EIF4G3: variants seen among roughly 807,000 people sequenced by gnomAD.
EIF4G3 encodes eukaryotic translation initiation factor 4 gamma 3.
A neutral mutation model predicts 186.4 loss-of-function variants in EIF4G3; 34 were observed. That is an observed-to-expected ratio of 0.18 (90% CI 0.14 to 0.24). The LOEUF (loss-of-function observed/expected upper bound fraction) is 0.24. Ranked by LOEUF, EIF4G3 falls within the 10% of genes least tolerant of loss-of-function variation. The pLI, the probability that EIF4G3 is intolerant of heterozygous loss-of-function variation, is 1.00. For missense variants in EIF4G3, 1,536 were observed against 1,948.5 expected, an observed-to-expected ratio of 0.79 and a Z score of 3.99; for synonymous variants, 673 against 679.5, an observed-to-expected ratio of 0.99 and a Z score of 0.15.
chr1:20,956,567 A>G (rs2154564088), intron 12 of EIF4G3, among the ~76,000 whole-genome samples: 1 of 132,844 alleles, frequency 7.5e-6, no homozygotes. Flanking sequence ...TTTAAAGGTG[A>G]GTCCTAGGCT....
At chr1:21,000,080 C>T (rs2083165336) in intron 6 of EIF4G3, among the ~76,000 whole-genome samples, 1 of 151,318 alleles carries the variant, frequency 6.6e-6, no homozygotes, top group African/African-American at 2.4e-5. Flanking sequence ...AAACTGTCTC[C>T]CTCTCCAAAT....
In EIF4G3 at chr1:20,888,435, A is replaced by G. The variant is rs2084921658; in HGVS notation, c.2254-2064T>C. On this transcript the variant is annotated intron_variant, in intron 18 of 36. Coordinates refer to ENST00000602326, the MANE Select transcript of EIF4G3 (RefSeq NM_001391906.1). ...TTCTCAAATATTTATCTAGCTATTA[A>G]TAGATCTACTATACTTACAAATTCT... is the stretch of plus-strand genomic sequence containing the variant. Among the ~76,000 whole-genome samples, 4 of 152,328 alleles carry G rather than the reference A, an allele frequency of 2.6e-5. No homozygotes were observed. In the East Asian group the frequency reaches 7.7e-4, roughly 29 times the overall value.
At chr1:21,121,003 T>C (rs2096916223) in intron 2 of EIF4G3, among the ~76,000 whole-genome samples, 1 of 152,158 alleles carries the variant, frequency 6.6e-6, no homozygotes, top group African/African-American at 2.4e-5. Context: ...CTCTACAGCC[T>C]CAACTTCCTG....
intron 6 of EIF4G3, among the ~76,000 whole-genome samples, chr1:21,000,902 C>T (rs1437864272): frequency 2.6e-5 from 4 of 152,094 alleles, no homozygotes; most frequent in South Asian, 2.1e-4. Flanking sequence ...AAAGAAGCCT[C>T]GAAATTTATC....
At chr1:21,003,773 A>T in intron 4 of EIF4G3, 1 of 446,860 alleles carries the variant, frequency 2.2e-6, no homozygotes, top group Non-Finnish European at 4.4e-6. Flanking sequence ...CTGCTCTCTG[A>T]TCATCAATGA....
intron 13 of EIF4G3, among the ~76,000 whole-genome samples, chr1:20,943,317 A>C (rs968767687): frequency 6.6e-6 from 1 of 152,248 alleles, no homozygotes; most frequent in African/African-American, 2.4e-5. Flanking sequence ...AAATAGTTTG[A>C]TATAATATAC....
At chr1:20,967,989 T>G (rs1380065996) in intron 12 of EIF4G3, among the ~76,000 whole-genome samples, 1 of 152,194 alleles carries the variant, frequency 6.6e-6, no homozygotes, top group African/African-American at 2.4e-5. Flanking sequence ...GACAGGATCT[T>G]GCTATGTTGC....
At chr1:20,983,549 A>C (rs985572526) in intron 7 of EIF4G3, among the ~76,000 whole-genome samples, 5 of 128,872 alleles carry the variant, frequency 3.9e-5, no homozygotes, top group Non-Finnish European at 5.5e-5. Flanking sequence ...CTTCAGGAAC[A>C]AACTTAAGTA....
At chr1:20,853,725 A>G in intron 26 of EIF4G3, 48 bp from the exon 27 acceptor site, 1 of 1,394,892 alleles carries the variant, frequency 7.2e-7, no homozygotes, top group Non-Finnish European at 1.0e-6. Flanking sequence ...CATGACTAAA[A>G]TGCAAATAAT....
At chr1:20,890,164 G>T (rs535944669) in intron 18 of EIF4G3, among the ~76,000 whole-genome samples, 1 of 151,964 alleles carries the variant, frequency 6.6e-6, no homozygotes, top group East Asian at 1.9e-4. Flanking sequence ...GTAGACACAC[G>T]GTTTTGTCAT....
At position 20,883,081 on chromosome 1, in the gene EIF4G3, C is replaced by CAA. The variant is rs397862225; in HGVS notation, c.2424+3118_2424+3119dup. On this transcript the variant is annotated intron_variant, in intron 19 of 36. Transcript: ENST00000602326. Reference sequence around the variant, plus strand: ...TTGGTGACAGAGTGAAACCCTGTCTCAAAAAAAAAAAAAACATTTCGCTAT... The same window carrying CAA: ...TTGGTGACAGAGTGAAACCCTGTCTCAAAAAAAAAAAAAAAACATTTCGCTAT... Among the ~76,000 whole-genome samples, 571 of 101,216 alleles carry CAA rather than the reference C, an allele frequency of 5.6e-3. 6 individuals carry two copies. Among genetic ancestry groups the CAA allele is most frequent in the African/African-American group, 0.019 (543 of 28,202 alleles). The allele number at this position is 101,216 out of a possible 152,430, so 66.4% of individuals were successfully genotyped here. A position where few individuals can be genotyped will look rare whatever the true frequency, so the allele number is the denominator to read the frequency against.
In EIF4G3 at chr1:21,037,802, T is replaced by C. The variant is rs143951732; in HGVS notation, c.-67+13064A>G. On this transcript the variant is annotated intron_variant, in intron 4 of 36. Coordinates refer to ENST00000602326, the MANE Select transcript of EIF4G3 (RefSeq NM_001391906.1). ...CTCAGCAAACAAAGCCTATAAAGTA[T>C]CATTTGGGCAATATGTATCAAAAGG... 1.1e-4 allele frequency among the ~76,000 whole-genome samples: 17 copies of C among 152,300 alleles called. No individual in the cohort carries two copies. The East Asian group carries it at 3.1e-3, about 28-fold the overall frequency.
chr1:21,020,581 C>T (rs1435127773), intron 4 of EIF4G3, among the ~76,000 whole-genome samples: 1 of 152,120 alleles, frequency 6.6e-6, no homozygotes, highest in Non-Finnish European at 1.5e-5. Flanking sequence ...ATAGCCAGCG[C>T]GATTACTGGA....
chr1:21,025,016 AG>A (rs1469884540), intron 4 of EIF4G3, among the ~76,000 whole-genome samples: 1 of 152,198 alleles, frequency 6.6e-6, no homozygotes, highest in Admixed American at 6.5e-5. Context: ...CAAAGGTGGC[AG>A]ATCAACAGTG....
chr1:21,169,182 G>A lies in EIF4G3; in HGVS notation c.-272+6993C>T, dbSNP rs56878053. On this transcript the variant is annotated intron_variant, in intron 2 of 36. Transcript: ENST00000602326. ...CTTTAAAAAAGTGGCAAGGCGCGGT[G>A]GCTCACACCTGTAATCCCAGCACCT... 5.5e-3 allele frequency among the ~76,000 whole-genome samples: 835 copies of A among 152,162 alleles called. 8 individuals carry two copies. The highest frequency in any genetic ancestry group is 0.019 in the African/African-American group (804 of 41,506).
At chr1:21,051,463 T>A (rs891467034) in intron 3 of EIF4G3, among the ~76,000 whole-genome samples, 1 of 152,126 alleles carries the variant, frequency 6.6e-6, no homozygotes, top group African/African-American at 2.4e-5. Flanking sequence ...ACGTATACAC[T>A]AAAAAGGGTG....
intron 34 of EIF4G3, among the ~76,000 whole-genome samples, chr1:20,813,877 C>T (rs1328806869): frequency 6.6e-6 from 1 of 151,074 alleles, no homozygotes; most frequent in Non-Finnish European, 1.5e-5. Context: ...AAAAAAGATA[C>T]CCTTGCGTAT....
At chr1:20,925,991 C>T (rs2094858630) in intron 14 of EIF4G3, among the ~76,000 whole-genome samples, 2 of 152,168 alleles carry the variant, frequency 1.3e-5, no homozygotes, top group Non-Finnish European at 2.9e-5. Flanking sequence ...AGGGTGAGCA[C>T]ATTTGACTTT....
At chr1:20,823,347 A>G (rs1282450784) in intron 33 of EIF4G3, among the ~76,000 whole-genome samples, 1 of 151,954 alleles carries the variant, frequency 6.6e-6, no homozygotes, top group Non-Finnish European at 1.5e-5. Flanking sequence ...AGCTACCTAC[A>G]GATTTTGGTG....
Sources: gnomAD v4.1 joint callset for allele counts (sites outside exome capture counted in the v4.1 genomes callset) on GRCh38, gnomAD v4.1.1 for gene constraint, MANE v1.5 for transcripts, NCBI Gene and HGNC (gene_info 2026-07-23, HGNC 2026-07-21) for gene names.